Variants in CADPS2 observed in about 807,000 individuals in gnomAD.
CADPS2 encodes the protein calcium dependent secretion activator 2, also known as calcium-dependent secretion activator 2.
A neutral mutation model predicts 172.5 loss-of-function variants in CADPS2; 93 were observed. The ratio of observed to expected loss-of-function variants is 0.54; its 90% confidence interval spans 0.46 to 0.64. The LOEUF is 0.64. CADPS2 is among the 30% of genes least tolerant of loss of function. The probability of loss-of-function intolerance (pLI) is 0.00; values close to 1 mark genes in which losing one functional copy is unlikely to be tolerated. For missense variants in CADPS2, 1,420 were observed against 1,565.9 expected, an observed-to-expected ratio of 0.91 and a Z score of 1.57; for synonymous variants, 546 against 555.2, an observed-to-expected ratio of 0.98 and a Z score of 0.23.
intron 28 of CADPS2, among the ~76,000 whole-genome samples, chr7:122,337,978 T>C (rs1004807469): frequency 6.6e-6 from 1 of 152,224 alleles, no homozygotes; most frequent in Non-Finnish European, 1.5e-5. Context: ...AAGTAACAGA[T>C]TGCTACAACA....
At chr7:122,340,855 TAA>T (rs5887084) in intron 28 of CADPS2, among the ~76,000 whole-genome samples, 3,876 of 137,714 alleles carry the variant, frequency 0.028, 169 homozygotes, top group African/African-American at 0.092. Context: ...CCTTATGTGT[TAA>T]AAAAAAAAAA....
intron 1 of CADPS2, 98 bp downstream of exon 1, chr7:122,885,901 C>T: frequency 7.2e-7 from 1 of 1,382,774 alleles, no homozygotes; most frequent in Non-Finnish European, 1.0e-6. Flanking sequence ...AATACGGTGT[C>T]CTGCGTTTCG....
chr7:122,413,657 C>T (rs1563275818), intron 19 of CADPS2, among the ~76,000 whole-genome samples: 2 of 152,166 alleles, frequency 1.3e-5, no homozygotes, highest in African/African-American at 2.4e-5. Context: ...CTTGAACATC[C>T]AGCAAAATAA....
chr7:122,637,171 CTTTTTTTTTTTTTTTTTT>C (rs71161313), intron 3 of CADPS2, among the ~76,000 whole-genome samples: 15 of 53,904 alleles, frequency 2.8e-4, no homozygotes, highest in African/African-American at 6.6e-4. Context: ...TGAAATTTTG[CTTTTTTTTTTTTTTTTTT>C]TTTTTTTTTT....
intron 6 of CADPS2, among the ~76,000 whole-genome samples, chr7:122,606,599 T>C (rs377572952): frequency 6.6e-6 from 1 of 152,096 alleles, no homozygotes; most frequent in Non-Finnish European, 1.5e-5. Context: ...GACTGGACTT[T>C]CTACCAATCT....
intron 1 of CADPS2, among the ~76,000 whole-genome samples, chr7:122,868,226 T>C (rs926710573): frequency 1.3e-5 from 2 of 152,026 alleles, no homozygotes; most frequent in African/African-American, 4.8e-5. Context: ...ACTGCTGGTC[T>C]CCCAGACCAC....
At chr7:122,661,668 C>T (rs2080544914) in intron 3 of CADPS2, among the ~76,000 whole-genome samples, 1 of 152,190 alleles carries the variant, frequency 6.6e-6, no homozygotes, top group Admixed American at 6.5e-5. Context: ...AAATAAATGA[C>T]TTTTCTTGGA....
chr7:122,467,839 T>C (rs2055365817), intron 14 of CADPS2, among the ~76,000 whole-genome samples: 2 of 152,284 alleles, frequency 1.3e-5, no homozygotes, highest in South Asian at 4.1e-4. Context: ...TTCTCCTTCC[T>C]GTCAGTCCTC....
At chr7:122,367,850 C>T (rs1005643012) in intron 25 of CADPS2, among the ~76,000 whole-genome samples, 3 of 150,584 alleles carry the variant, frequency 2.0e-5, no homozygotes, top group African/African-American at 7.3e-5. Flanking sequence ...TTTCTGGAGG[C>T]TCTAGGGGAG....
At chr7:122,486,930 T>C (rs1409526071) in intron 11 of CADPS2, among the ~76,000 whole-genome samples, 3 of 152,176 alleles carry the variant, frequency 2.0e-5, no homozygotes, top group Non-Finnish European at 4.4e-5. Context: ...TGATTATTTT[T>C]AGCAATAAAG....
At chr7:122,684,426 T>C (rs1484093504) in intron 2 of CADPS2, among the ~76,000 whole-genome samples, 2 of 150,386 alleles carry the variant, frequency 1.3e-5, no homozygotes, top group Non-Finnish European at 3.0e-5. Flanking sequence ...TTAAAGAAGT[T>C]TGTAGTAAGC....
At chr7:122,582,463 G>A (rs979592586) in intron 6 of CADPS2, among the ~76,000 whole-genome samples, 2 of 151,756 alleles carry the variant, frequency 1.3e-5, no homozygotes, top group African/African-American at 2.4e-5. Flanking sequence ...AGAGGGAAGA[G>A]AAGAATCAAT....
chr7:122,768,986 T>C (rs368274150), intron 1 of CADPS2, among the ~76,000 whole-genome samples: 3 of 151,332 alleles, frequency 2.0e-5, no homozygotes, highest in East Asian at 1.9e-4. Flanking sequence ...CGGTCACAGC[T>C]GTCAGATCTA....
intron 3 of CADPS2, among the ~76,000 whole-genome samples, chr7:122,657,295 CT>C (rs1229980260): frequency 6.6e-6 from 1 of 152,146 alleles, no homozygotes; most frequent in Non-Finnish European, 1.5e-5. Context: ...AATGCAGGCT[CT>C]TTTTTGGTTC....
At chr7:122,705,917 A>T (rs376587645) in intron 2 of CADPS2, among the ~76,000 whole-genome samples, 50 of 1,370 alleles carry the variant, frequency 0.036, 6 homozygotes, top group South Asian at 0.14. Flanking sequence ...TATATTATAT[A>T]ATATAATATA....
At chr7:122,474,660 A>G in intron 12 of CADPS2, 143 bp from the exon 13 acceptor site, 1 of 716,162 alleles carries the variant, frequency 1.4e-6, no homozygotes, top group East Asian at 2.8e-5. Context: ...AGTTCAGCAT[A>G]TTAACATAAA....
At chr7:122,722,872 A>G (rs1404002176) in intron 2 of CADPS2, among the ~76,000 whole-genome samples, 2 of 151,792 alleles carry the variant, frequency 1.3e-5, no homozygotes, top group Non-Finnish European at 2.9e-5. Context: ...CAGAAATAAT[A>G]CCACACATCT....
At chr7:122,543,956 C>T (rs2063358476) in intron 8 of CADPS2, among the ~76,000 whole-genome samples, 1 of 151,748 alleles carries the variant, frequency 6.6e-6, no homozygotes, top group Non-Finnish European at 1.5e-5. Flanking sequence ...ACTGAAAGAT[C>T]TTATATATTG....
chr7:122,799,462 G>T (rs1226781526), intron 1 of CADPS2, among the ~76,000 whole-genome samples: 1 of 151,958 alleles, frequency 6.6e-6, no homozygotes, highest in Admixed American at 6.6e-5. Context: ...AATTAGCCGG[G>T]CGTGGTGGTG....
Sources: allele counts gnomAD v4.1 joint callset (sites outside exome capture counted in the v4.1 genomes callset), GRCh38; gene constraint gnomAD v4.1.1; transcripts MANE v1.5; gene names NCBI Gene and HGNC (gene_info 2026-07-23, HGNC 2026-07-21).